The following KIAA1549L variants were observed in gnomAD, a reference collection of about 807,000 sequenced individuals.
KIAA1549L encodes the protein UPF0606 protein KIAA1549L.
In KIAA1549L, 88 loss-of-function variants were observed where a neutral mutation model predicts 160.7. That is an observed-to-expected ratio of 0.55 (90% CI 0.46 to 0.65). The LOEUF (loss-of-function observed/expected upper bound fraction) is 0.65. KIAA1549L is among the 30% of genes least tolerant of loss of function. The pLI is 0.00. For synonymous variants in KIAA1549L, 950 were observed against 976.7 expected (o/e 0.97, Z 0.51); for missense variants, 2,258 against 2,437.5 (o/e 0.93, Z 1.55).
chr11:33,592,439 C>T (rs917667729), intron 12 of KIAA1549L, among the ~76,000 whole-genome samples: 12 of 152,172 alleles, frequency 7.9e-5, no homozygotes, highest in African/African-American at 1.4e-4. Context: ...TATGGCAAGC[C>T]GCGTTGGCTG....
At chr11:33,604,015 C>T (rs1376301015) in intron 13 of KIAA1549L, among the ~76,000 whole-genome samples, 1 of 152,012 alleles carries the variant, frequency 6.6e-6, no homozygotes, top group African/African-American at 2.4e-5. Flanking sequence ...AAAGTTTATC[C>T]ATCCTGGTTA....
intron 1 of KIAA1549L, among the ~76,000 whole-genome samples, chr11:33,394,553 T>C (rs1470345895): frequency 1.3e-5 from 2 of 152,224 alleles, no homozygotes; most frequent in Non-Finnish European, 2.9e-5. Context: ...ACTGGTCCTA[T>C]ATTTCTGGAT....
At position 33,544,919 on chromosome 11, in the gene KIAA1549L, A is replaced by G; in HGVS notation, c.2926A>G (p.Ser976Gly). The G allele has an allele frequency of 6.2e-7, 1 of 1,613,522 alleles. No homozygotes were observed. The highest frequency in any genetic ancestry group is 8.5e-7 in the Non-Finnish European group (1 of 1,179,646). Residue 976 changes from serine to glycine, a missense_variant, in exon 3 of 21, where the codon AGT becomes GGT. By Grantham distance (56) the Ser-to-Gly change is moderately conservative. Around this residue, in one of 6 missense-constraint regions of KIAA1549L, gnomAD observed 1,359 missense variants for 1,546.6 expected, o/e 0.88. Transcript: ENST00000658780. ...LAVASGPAKS[S>G]SMTTLAKNVT... ...CGTGGCCTCAGGACCAGCTAAGAGC[A>G]GTTCGATGACTACTCTTGCTAAAAA...
rs796623847 is a variant in KIAA1549L at position 33,598,186 on chromosome 11, ATGTTTGTGTGTGTGTGTGTG to A, written c.4752-630_4752-611del. Among the ~76,000 whole-genome samples the A allele has an allele frequency of 9.6e-3, 1,090 of 113,736 alleles. 22 individuals carry two copies. The highest frequency in any genetic ancestry group is 0.044 in the African/African-American group (1,023 of 23,092). The allele number at this position is 113,736 out of a possible 152,430, so 74.6% of individuals were successfully genotyped here. On this transcript the variant is annotated intron_variant, in intron 12 of 20. Transcript: ENST00000658780. The stretch of plus-strand genomic sequence containing the variant: ...CCACAGTTAGAGAGTTAGAGAGAGA[ATGTTTGTGTGTGTGTGTGTG>A]TGTGTGTGTGTGTGTGTGTGTGTCA...
At chr11:33,464,897 A>G (rs1476683693) in intron 1 of KIAA1549L, among the ~76,000 whole-genome samples, 1 of 151,832 alleles carries the variant, frequency 6.6e-6, no homozygotes, top group Non-Finnish European at 1.5e-5. Flanking sequence ...TCCGAACCCC[A>G]AGTCTGATCC....
At chr11:33,580,390 A>T (rs1272514263) in intron 10 of KIAA1549L, among the ~76,000 whole-genome samples, 1 of 152,190 alleles carries the variant, frequency 6.6e-6, no homozygotes, top group African/African-American at 2.4e-5. Flanking sequence ...CCTGGCTAAC[A>T]CGGAGAAACC....
At chr11:33,591,583 C>T (rs1314594296) in intron 12 of KIAA1549L, among the ~76,000 whole-genome samples, 162 bp downstream of exon 12, 1 of 152,250 alleles carries the variant, frequency 6.6e-6, no homozygotes, top group African/African-American at 2.4e-5. Context: ...ATGAGAATCA[C>T]AATACCTGCC....
At chr11:33,623,539 G>A (rs900912023) in intron 16 of KIAA1549L, among the ~76,000 whole-genome samples, 1 of 152,176 alleles carries the variant, frequency 6.6e-6, no homozygotes, top group African/African-American at 2.4e-5. Flanking sequence ...AGAAATATCT[G>A]CTCATGGGAA....
intron 1 of KIAA1549L, among the ~76,000 whole-genome samples, chr11:33,413,748 A>G (rs1302062855): frequency 6.6e-6 from 1 of 152,198 alleles, no homozygotes; most frequent in Admixed American, 6.5e-5. Context: ...AGTGACAATT[A>G]TAATGAAAAT....
intron 1 of KIAA1549L, among the ~76,000 whole-genome samples, chr11:33,417,517 C>T (rs1015141572): frequency 2.6e-5 from 4 of 152,204 alleles, no homozygotes; most frequent in African/African-American, 9.7e-5. Context: ...GCATGACCTG[C>T]CCCCGACTTT....
At chr11:33,553,035 T>C (rs987962320) in intron 6 of KIAA1549L, among the ~76,000 whole-genome samples, 6 of 152,108 alleles carry the variant, frequency 3.9e-5, no homozygotes, top group Non-Finnish European at 8.8e-5. Context: ...GAGATGAGGT[T>C]AGAAGCTACA....
chr11:33,566,418 C>G (rs1384944419), intron 8 of KIAA1549L, among the ~76,000 whole-genome samples: 2 of 152,202 alleles, frequency 1.3e-5, no homozygotes, highest in Admixed American at 6.5e-5. Context: ...CTTCCATGAT[C>G]TGATAGCTGT....
intron 10 of KIAA1549L, among the ~76,000 whole-genome samples, chr11:33,578,072 G>A (rs970627187): frequency 2.0e-5 from 3 of 152,280 alleles, no homozygotes; most frequent in South Asian, 2.1e-4. Context: ...TACTTGGGAC[G>A]GGCATGAAAA....
chr11:33,655,368 T>C (rs1852029554), intron 17 of KIAA1549L, among the ~76,000 whole-genome samples: 1 of 152,192 alleles, frequency 6.6e-6, no homozygotes, highest in East Asian at 1.9e-4. Flanking sequence ...CTGAAGGACC[T>C]AAAGTTTGCT....
rs775372698 is a variant in KIAA1549L, at chr11:33,658,797, G to A, written c.5906G>A (p.Gly1969Glu). 1 of 1,567,108 alleles carries A rather than the reference G, an allele frequency of 6.4e-7. No individual in the cohort carries two copies. Among genetic ancestry groups the A allele is most frequent in the Non-Finnish European group, 8.6e-7 (1 of 1,156,596 alleles). ...GSKTRMAESTGPEPAQLHDSA... is the reference protein window; with the variant it reads ...GSKTRMAESTEPEPAQLHDSA... Reference sequence around the variant, plus strand: ...AAGACCAGAATGGCCGAGTCTACAGGGCCCGAGCCGGCCCAGCTGCACGAC... The same window carrying A: ...AAGACCAGAATGGCCGAGTCTACAGAGCCCGAGCCGGCCCAGCTGCACGAC... The change falls in exon 19 of 21, where the codon GGG (glycine) becomes GAG (glutamate). Residue 1969 changes from glycine (G) to glutamate (E), a missense_variant. By Grantham distance (98) the Gly-to-Glu change is moderately conservative. This residue lies in a region of KIAA1549L where 1,359 missense variants were observed against 1,546.6 expected (regional missense o/e 0.88). Transcript: ENST00000658780.
intron 16 of KIAA1549L, among the ~76,000 whole-genome samples, chr11:33,621,674 T>G (rs1286695424): frequency 6.6e-6 from 1 of 150,914 alleles, no homozygotes; most frequent in Non-Finnish European, 1.5e-5. Flanking sequence ...AAAAAAAAAA[T>G]GCTGTAAATA....
intron 6 of KIAA1549L, among the ~76,000 whole-genome samples, chr11:33,554,444 C>CACATTTATTCCGACACAGTTG (rs1854577416): frequency 6.6e-6 from 1 of 152,154 alleles, no homozygotes; most frequent in African/African-American, 2.4e-5. Flanking sequence ...CTGAAAGGTT[C>CACATTTATTCCGACACAGTTG]ACATTTATTC....
chr11:33,589,207 T>C (rs1364265590), intron 11 of KIAA1549L, among the ~76,000 whole-genome samples: 1 of 152,068 alleles, frequency 6.6e-6, no homozygotes, highest in Non-Finnish European at 1.5e-5. Flanking sequence ...AAAACCACAA[T>C]GAGATATCAT....
At position 33,668,131 on chromosome 11, in the gene KIAA1549L, G is replaced by A. The variant is rs774853043; in HGVS notation, c.6418G>A (p.Asp2140Asn). The A allele has an allele frequency of 6.2e-7, 1 of 1,613,778 alleles. No individual in the cohort carries two copies. Among genetic ancestry groups the A allele is most frequent in the East Asian group, 2.2e-5 (1 of 44,886 alleles). ...EVAKLAKKQTDMFEFQV is the reference protein window; with the variant it reads ...EVAKLAKKQTNMFEFQV ...GGCCAAGCTGGCCAAAAAACAGACA[G>A]ACATGTTTGAGTTCCAGGTCTAACG... Residue 2140 changes from aspartate to asparagine, a missense_variant, in exon 21 of 21, where the codon GAC becomes AAC. By Grantham distance (23) the Asp-to-Asn change is conservative. Around this residue, in one of 6 missense-constraint regions of KIAA1549L, gnomAD observed 1,359 missense variants for 1,546.6 expected, o/e 0.88. Coordinates refer to ENST00000658780, the MANE Select transcript of KIAA1549L (RefSeq NM_012194.3).
Sources: gnomAD v4.1 joint callset for allele counts (sites outside exome capture counted in the v4.1 genomes callset) on GRCh38, gnomAD v4.1.1 for gene constraint, gnomAD v4.1.1 regional missense constraint, MANE v1.5 for transcripts, NCBI Gene and HGNC (gene_info 2026-07-23, HGNC 2026-07-21) for gene names.